The following PIWIL4 variants were observed in gnomAD, a reference collection of about 807,000 sequenced individuals.
The protein encoded by PIWIL4 is piwi like RNA-mediated gene silencing 4.
Under a neutral mutation model 100.9 loss-of-function variants are expected in PIWIL4, and 50 were observed. That is an observed-to-expected ratio of 0.50 (90% CI 0.39 to 0.63). PIWIL4 has a LOEUF of 0.63. Ranked by LOEUF, PIWIL4 falls within the 20% of genes least tolerant of loss-of-function variation. The pLI, the probability that PIWIL4 is intolerant of heterozygous loss-of-function variation, is 0.00. For synonymous variants in PIWIL4, 342 were observed against 367.5 expected, an observed-to-expected ratio of 0.93 and a Z score of 0.79; for missense variants, 887 against 1,043.3, an observed-to-expected ratio of 0.85 and a Z score of 2.06.
At chr11:94,569,634 T>C (rs1161563303) in intron 2 of PIWIL4, among the ~76,000 whole-genome samples, 4 of 152,186 alleles carry the variant, frequency 2.6e-5, no homozygotes, top group African/African-American at 9.7e-5. Context: ...CACCTTGGCT[T>C]CCCAAAGTGC....
At position 94,593,481 on chromosome 11, in the gene PIWIL4, A is replaced by G. The variant is rs372589063; in HGVS notation, c.1027-37A>G. On this transcript the variant is annotated intron_variant, in intron 8 of 19. Transcript: ENST00000299001. ...AGGATGCTCACCTGGCGGTGCTTCC[A>G]TGTTAACTTTTTACTTATTAATCTT... 9 of 1,598,502 alleles carry G rather than the reference A, an allele frequency of 5.6e-6. No individual in the cohort carries two copies. The African/African-American group carries it at 8.1e-5, about 14-fold the overall frequency.
At chr11:94,608,558 A>C in intron 14 of PIWIL4, 25 bp from the exon 15 acceptor site, 1 of 1,597,406 alleles carries the variant, frequency 6.3e-7, no homozygotes, top group Non-Finnish European at 8.6e-7. Context: ...CATCCCATTA[A>C]ATCATGACAA....
chr11:94,579,130 C>A (rs12801979), intron 4 of PIWIL4, among the ~76,000 whole-genome samples: 2,125 of 152,248 alleles, frequency 0.014, 41 homozygotes, highest in African/African-American at 0.041. Context: ...TTAATTCTAC[C>A]TTTTTTTGCT....
In PIWIL4 at chr11:94,587,013, T is replaced by G. The variant is rs16920648; in HGVS notation, c.717-37T>G. 167,924 of 1,486,014 alleles carry G rather than the reference T, an allele frequency of 0.11. 11,384 individuals are homozygous for G. Among genetic ancestry groups the G allele is most frequent in the African/African-American group, 0.22 (16,024 of 71,258 alleles). 92.1% of individuals were successfully genotyped at this position (1,486,014 alleles called of 1,614,324 possible). A position where few individuals can be genotyped will look rare whatever the true frequency, so the allele number is the denominator to read the frequency against. On this transcript the variant is annotated intron_variant, in intron 6 of 19. Coordinates refer to ENST00000299001, the MANE Select transcript of PIWIL4 (RefSeq NM_152431.3). ...TCTTTATTGTGTTTCCGGTATAACATTGACAATATTCCTTTTTTTCTTTTT... is the reference window on the plus strand; with the variant it reads ...TCTTTATTGTGTTTCCGGTATAACAGTGACAATATTCCTTTTTTTCTTTTT...
At chr11:94,601,039 A>G (rs59738863) in intron 11 of PIWIL4, among the ~76,000 whole-genome samples, 3,423 of 151,066 alleles carry the variant, frequency 0.023, 134 homozygotes, top group African/African-American at 0.08. Flanking sequence ...AGTTAATGCA[A>G]TTATCACAAG....
At chr11:94,589,366 C>A in intron 8 of PIWIL4, 134 bp downstream of exon 8, 1 of 684,776 alleles carries the variant, frequency 1.5e-6, no homozygotes. Flanking sequence ...TGTCTCTCTC[C>A]TTCATCCCCA....
chr11:94,605,013 T>G (rs1410296269), intron 13 of PIWIL4, among the ~76,000 whole-genome samples: 9 of 152,188 alleles, frequency 5.9e-5, no homozygotes, highest in Non-Finnish European at 1.3e-4. Flanking sequence ...AATCCCAAAT[T>G]ATTGACCTTT....
At chr11:94,597,383 C>T (rs767615546) in intron 10 of PIWIL4, among the ~76,000 whole-genome samples, 7 of 152,240 alleles carry the variant, frequency 4.6e-5, no homozygotes, top group Admixed American at 2.0e-4. Context: ...GAGCACATGC[C>T]ATGTGCCAGG....
chr11:94,595,315 C>T lies in PIWIL4; in HGVS notation c.1157C>T (p.Thr386Ile), dbSNP rs376747740. 7.4e-6 allele frequency: 12 copies of T among 1,613,198 alleles called. No homozygotes were observed. Among genetic ancestry groups the T allele is most frequent in the East Asian group, 6.7e-5 (3 of 44,852 alleles). ...IPELCFLTGL[T>I]DQATSDFQLM... is the part of the protein sequence containing the mutation. Reference sequence around the variant, plus strand: ...CTTCATTTGCATTTAATAGGGCTGACTGACCAGGCAACATCTGATTTCCAG... The same window carrying T: ...CTTCATTTGCATTTAATAGGGCTGATTGACCAGGCAACATCTGATTTCCAG... Residue 386 changes from threonine (T) to isoleucine (I), a missense_variant, in exon 10 of 20, where the codon ACT becomes ATT. By Grantham distance (89) the Thr-to-Ile change is moderately conservative (BLOSUM62 -1). Coordinates refer to ENST00000299001, the MANE Select transcript of PIWIL4 (RefSeq NM_152431.3).
chr11:94,601,516 T>C (rs1365588361), intron 11 of PIWIL4, among the ~76,000 whole-genome samples: 1 of 152,170 alleles, frequency 6.6e-6, no homozygotes, highest in African/African-American at 2.4e-5. Flanking sequence ...GATCTTTGAA[T>C]CAGACACCAT....
At chr11:94,604,128 A>C (rs1025660868) in intron 13 of PIWIL4, 72 bp downstream of exon 13, 1 of 889,410 alleles carries the variant, frequency 1.1e-6, no homozygotes, top group Non-Finnish European at 1.7e-6. Flanking sequence ...CAGTCTGAAC[A>C]TACCCTCCCA....
At chr11:94,587,622 G>T (rs1040593672) in intron 7 of PIWIL4, among the ~76,000 whole-genome samples, 3 of 152,138 alleles carry the variant, frequency 2.0e-5, no homozygotes, top group Non-Finnish European at 4.4e-5. Flanking sequence ...TAATGTCCTG[G>T]CTTTTCTGAC....
intron 5 of PIWIL4, 67 bp downstream of exon 5, chr11:94,583,636 A>G (rs1591782916): frequency 6.3e-7 from 1 of 1,588,356 alleles, no homozygotes; most frequent in African/African-American, 1.3e-5. Flanking sequence ...CCTGGGTATT[A>G]AAATAATCGA....
chr11:94,601,301 C>A (rs1476254096), intron 11 of PIWIL4, among the ~76,000 whole-genome samples: 6 of 152,114 alleles, frequency 3.9e-5, no homozygotes, highest in African/African-American at 1.4e-4. Flanking sequence ...TTCAGCCAGT[C>A]CCTCCGTTTG....
intron 2 of PIWIL4, among the ~76,000 whole-genome samples, chr11:94,573,656 A>G (rs576208303): frequency 6.6e-6 from 1 of 152,322 alleles, no homozygotes; most frequent in South Asian, 2.1e-4. Flanking sequence ...ATCGTGGTGG[A>G]TAAGCTTTTT....
chr11:94,616,009 G>C (rs1456676164), intron 15 of PIWIL4, among the ~76,000 whole-genome samples: 4 of 152,146 alleles, frequency 2.6e-5, no homozygotes, highest in Non-Finnish European at 5.9e-5. Flanking sequence ...AGAAATCTTT[G>C]AATATTTTGA....
chr11:94,593,715 C>T, intron 9 of PIWIL4, 74 bp downstream of exon 9: 1 of 1,498,408 alleles, frequency 6.7e-7, no homozygotes, highest in Non-Finnish European at 9.0e-7. Flanking sequence ...GGCAGACCCT[C>T]TTTAAGTTAC....
intron 12 of PIWIL4, among the ~76,000 whole-genome samples, chr11:94,603,412 A>G (rs936490881): frequency 2.6e-5 from 4 of 152,228 alleles, no homozygotes; most frequent in African/African-American, 9.6e-5. Context: ...GGCCCCTAAC[A>G]TAATGTAAGC....
At chr11:94,582,415 GTTTCTC>G (rs112955076) in intron 4 of PIWIL4, among the ~76,000 whole-genome samples, 39,222 of 151,782 alleles carry the variant, frequency 0.26, 7,801 homozygotes, top group African/African-American at 0.55. Flanking sequence ...GAAAAGATCA[GTTTCTC>G]TTTGTTTCCA....
Sources: allele counts gnomAD v4.1 joint callset (sites outside exome capture counted in the v4.1 genomes callset), GRCh38; gene constraint gnomAD v4.1.1; transcripts MANE v1.5; gene names NCBI Gene and HGNC (gene_info 2026-07-23, HGNC 2026-07-21).